KIF2B: variants seen among roughly 807,000 people sequenced by gnomAD.
The protein encoded by KIF2B is kinesin-like protein KIF2B.
Under a neutral mutation model 6.8 loss-of-function variants are expected in KIF2B, and 5 were observed. The ratio of observed to expected loss-of-function variants is 0.74; its 90% confidence interval spans 0.39 to 1.55. KIF2B has a LOEUF of 1.55. Ranked by LOEUF, KIF2B falls within the 40% of genes most tolerant of loss-of-function variation. The pLI is 0.03. For missense variants in KIF2B, 908 were observed against 831.3 expected (o/e 1.09, Z -1.13); for synonymous variants, 370 against 330.7 (o/e 1.12, Z -1.29).
chr17:53,823,156 C>T lies in KIF2B; in HGVS notation c.123C>T (p.Ile41=). ...CGATCCAGCGCAGTGACAAGCGGAT[C>T]CACCTCGCTGTGGTCACGGAGATCA... ...YVAIQRSDKR[I]HLAVVTEINR... The change falls in exon 1 of 1, where the codon ATC becomes ATT. Residue 41 remains isoleucine (I), a synonymous_variant. Coordinates refer to ENST00000268919, the MANE Select transcript of KIF2B (RefSeq NM_032559.5). 6.2e-7 allele frequency: 1 copy of T among 1,614,204 alleles called. No homozygotes were observed. The highest frequency in any genetic ancestry group is 2.2e-5 in the East Asian group (1 of 44,874).
In KIF2B at chr17:53,825,086, C is replaced by A; in HGVS notation, c.*31C>A. ...ATGGCGAGAGATCAGGTCCGAAATGCTGCATTGCTGCAGTTTCCACCACTC... is the reference window on the plus strand; with the variant it reads ...ATGGCGAGAGATCAGGTCCGAAATGATGCATTGCTGCAGTTTCCACCACTC... On this transcript the variant is annotated 3_prime_UTR_variant, in exon 1 of 1. Coordinates refer to ENST00000268919, the MANE Select transcript of KIF2B (RefSeq NM_032559.5). 1 of 1,480,842 alleles carries A rather than the reference C, an allele frequency of 6.8e-7. No homozygotes were observed. The highest frequency in any genetic ancestry group is 1.3e-5 in the South Asian group (1 of 78,908). 91.7% of individuals were successfully genotyped at this position (1,480,842 alleles called of 1,614,324 possible). A position where few individuals can be genotyped will look rare whatever the true frequency, so the allele number is the denominator to read the frequency against.
At position 53,823,374 on chromosome 17, in the gene KIF2B, A is replaced by C. The variant is rs2143779167; in HGVS notation, c.341A>C (p.Lys114Thr). The part of the protein sequence containing the change: ...SAIRDQRTAT[K>T]WVAMIPQKNQ... ...ATCAGGGACCAGCGTACCGCCACGA[A>C]ATGGGTTGCGATGATCCCCCAGAAA... The change falls in exon 1 of 1, where the codon AAA becomes ACA. Residue 114 changes from lysine to threonine, a missense_variant. Coordinates refer to ENST00000268919, the MANE Select transcript of KIF2B (RefSeq NM_032559.5). The C allele has an allele frequency of 6.2e-7, 1 of 1,614,058 alleles. No homozygotes were observed. The highest frequency in any genetic ancestry group is 1.1e-5 in the South Asian group (1 of 91,078).
chr17:53,823,917 G>A lies in KIF2B; in HGVS notation c.884G>A (p.Gly295Asp), dbSNP rs755877728. The change falls in exon 1 of 1, where the codon GGC (glycine) becomes GAC (aspartate). Residue 295 changes from glycine (G) to aspartate (D), a missense_variant. By Grantham distance (94) the Gly-to-Asp change is moderately conservative. Transcript: ENST00000268919. ...CTGGTGGAGTCCATCTTCCGCAAGGGCATGGCCACCTGCTTTGCCTATGGG... is the reference window on the plus strand; with the variant it reads ...CTGGTGGAGTCCATCTTCCGCAAGGACATGGCCACCTGCTTTGCCTATGGG... ...QPLVESIFRK[G>D]MATCFAYGQT... 6.2e-7 allele frequency: 1 copy of A among 1,614,228 alleles called. No individual in the cohort carries two copies. The highest frequency in any genetic ancestry group is 8.5e-7 in the Non-Finnish European group (1 of 1,180,048).
Position 53,823,484 on chromosome 17 carries a change from T to A in KIF2B, c.451T>A (p.Trp151Arg), listed in dbSNP as rs2143779878. ...LMKQKKSPCL[W>R]EIQKLQEQRE... Reference sequence around the variant, plus strand: ...GAAGCAGAAAAAGTCTCCCTGCCTCTGGGAAATCCAGAAACTGCAGGAGCA... The same window carrying A: ...GAAGCAGAAAAAGTCTCCCTGCCTCAGGGAAATCCAGAAACTGCAGGAGCA... Residue 151 changes from tryptophan (W) to arginine (R), a missense_variant, in exon 1 of 1, where the codon TGG becomes AGG. By Grantham distance (101) the Trp-to-Arg change is moderately radical. Coordinates refer to ENST00000268919, the MANE Select transcript of KIF2B (RefSeq NM_032559.5). The A allele has an allele frequency of 6.2e-7, 1 of 1,614,138 alleles. No homozygotes were observed. The highest frequency in any genetic ancestry group is 8.5e-7 in the Non-Finnish European group (1 of 1,180,026).
Position 53,824,071 on chromosome 17 carries a change from G to C in KIF2B, c.1038G>C (p.Glu346Asp), listed in dbSNP as rs756419031. The C allele has an allele frequency of 6.2e-7, 1 of 1,614,238 alleles. No individual in the cohort carries two copies. The change falls in exon 1 of 1, where the codon GAG becomes GAC. Residue 346 changes from glutamate to aspartate, a missense_variant. Transcript: ENST00000268919. ...TCCTGCTCAGAAACTCCACATATGA[G>C]AAGCTGGACCTCAAAGTCTATGGGA... Reference protein sequence around the residue: ...VFLLLRNSTYEKLDLKVYGTF... With the variant: ...VFLLLRNSTYDKLDLKVYGTF...
chr17:53,824,700 C>T lies in KIF2B; in HGVS notation c.1667C>T (p.Pro556Leu), dbSNP rs543418582. Residue 556 changes from proline to leucine, a missense_variant, in exon 1 of 1, where the codon CCG (proline) becomes CTG (leucine). Coordinates refer to ENST00000268919, the MANE Select transcript of KIF2B (RefSeq NM_032559.5). ...AGGCCCTACCATCGTGGCCACTATC[C>T]GATTGGACATGAGGCACCAAGGATG... is the stretch of plus-strand genomic sequence containing the variant. ...DVRPYHRGHY[P>L]IGHEAPRMLK... is the part of the protein sequence containing the mutation. 1.8e-5 allele frequency: 29 copies of T among 1,614,088 alleles called. No homozygotes were observed. Among genetic ancestry groups the T allele is most frequent in the South Asian group, 1.6e-4 (15 of 91,080 alleles).
rs1394819037 is a variant in KIF2B at position 53,823,250 on chromosome 17, C to G, written c.217C>G (p.Leu73Val). ...KAVKKGKKID[L>V]ETILLLNPAL... ...AGTCAAAAAAGGCAAGAAGATTGACCTGGAGACCATACTCCTGCTGAATCC... is the reference window on the plus strand; with the variant it reads ...AGTCAAAAAAGGCAAGAAGATTGACGTGGAGACCATACTCCTGCTGAATCC... Residue 73 changes from leucine (L) to valine (V), a missense_variant, in exon 1 of 1, where the codon CTG (leucine) becomes GTG (valine). Transcript: ENST00000268919. The G allele has an allele frequency of 6.2e-7, 1 of 1,614,070 alleles. No individual in the cohort carries two copies. The highest frequency in any genetic ancestry group is 1.3e-5 in the African/African-American group (1 of 74,928).
rs775562366 is a variant in KIF2B at position 53,823,651 on chromosome 17, G to T, written c.618G>T (p.Leu206=). Residue 206 remains leucine (L), a synonymous_variant, in exon 1 of 1, where the codon CTG becomes CTT. Coordinates refer to ENST00000268919, the MANE Select transcript of KIF2B (RefSeq NM_032559.5). Reference sequence around the variant, plus strand: ...TGGACAGCAGCAAGATCTCAGTCCTGGAGCCCCCGCAAGAACATCGCATCT... The same window carrying T: ...TGGACAGCAGCAAGATCTCAGTCCTTGAGCCCCCGCAAGAACATCGCATCT... ...RHLDSSKISV[L]EPPQEHRICV... 6.2e-7 allele frequency: 1 copy of T among 1,613,930 alleles called. No homozygotes were observed. The highest frequency in any genetic ancestry group is 8.5e-7 in the Non-Finnish European group (1 of 1,180,048).
chr17:53,823,784 CA>C lies in KIF2B; in HGVS notation c.755del (p.Lys252ArgfsTer117). 1.2e-6 allele frequency: 2 copies of C among 1,614,182 alleles called. No homozygotes were observed. The highest frequency in any genetic ancestry group is 2.7e-5 in the African/African-American group (2 of 75,042). Reference protein sequence around the residue: ...DNVVMVHESKQKVDLTRYLQN... With the variant: ...DNVVMVHESKXKVDLTRYLQN... ...TGTGGTTATGGTGCATGAGTCCAAG[CA>C]AAAGGTGGACCTCACTCGCTACCTG... is the stretch of plus-strand genomic sequence containing the variant. On this transcript the variant is annotated frameshift_variant, in exon 1 of 1. Transcript: ENST00000268919. LOFTEE classifies it high-confidence loss of function.
Position 53,823,549 on chromosome 17 carries a change from T to C in KIF2B, c.516T>C (p.Ala172=), listed in dbSNP as rs780394162. The C allele has an allele frequency of 6.2e-7, 1 of 1,613,686 alleles. No individual in the cohort carries two copies. The change falls in exon 1 of 1, where the codon GCT becomes GCC. Residue 172 remains alanine (A), a synonymous_variant. Transcript: ENST00000268919. ...GGCGGCTGCAGCAGGAGATCCGAGC[T>C]AGACGCGCCCTCGATGTCAATACCA... ...KRRRLQQEIR[A]RRALDVNTRN... is the part of the protein sequence containing the mutation.
At position 53,824,418 on chromosome 17, in the gene KIF2B, G is replaced by A. The variant is rs755676458; in HGVS notation, c.1385G>A (p.Arg462Gln). 19 of 1,614,050 alleles carry A rather than the reference G, an allele frequency of 1.2e-5. No individual in the cohort carries two copies. The highest frequency in any genetic ancestry group is 1.7e-4 in the Middle Eastern group (1 of 6,060). Reference sequence around the variant, plus strand: ...GGAGCAGATACAACCAAGGCCAGCCGGAAAAGGCAGCTGGAAGGGGCAGAG... The same window carrying A: ...GGAGCAGATACAACCAAGGCCAGCCAGAAAAGGCAGCTGGAAGGGGCAGAG... Reference protein sequence around the residue: ...ERGADTTKASRKRQLEGAEIN... With the variant: ...ERGADTTKASQKRQLEGAEIN... Residue 462 changes from arginine (R) to glutamine (Q), a missense_variant, in exon 1 of 1, where the codon CGG becomes CAG. Physicochemically the swap from Arg to Gln is conservative, Grantham distance 43. Coordinates refer to ENST00000268919, the MANE Select transcript of KIF2B (RefSeq NM_032559.5).
rs766692378 is a variant in KIF2B at position 53,825,066 on chromosome 17, G to A, written c.*11G>A. 8 of 1,582,528 alleles carry A rather than the reference G, an allele frequency of 5.1e-6. No homozygotes were observed. The Admixed American group carries it at 6.9e-5, about 14-fold the overall frequency. Reference sequence around the variant, plus strand: ...AGCAAGGTAGAGTGAAGCCAATGGCGAGAGATCAGGTCCGAAATGCTGCAT... The same window carrying A: ...AGCAAGGTAGAGTGAAGCCAATGGCAAGAGATCAGGTCCGAAATGCTGCAT... On this transcript the variant is annotated 3_prime_UTR_variant, in exon 1 of 1. Coordinates refer to ENST00000268919, the MANE Select transcript of KIF2B (RefSeq NM_032559.5).
In KIF2B at chr17:53,823,717, A is replaced by T. The variant is rs2143781308; in HGVS notation, c.684A>T (p.Thr228=). 2.5e-6 allele frequency: 4 copies of T among 1,614,198 alleles called. No homozygotes were observed. The South Asian group carries it at 4.4e-5, about 18-fold the overall frequency. The change falls in exon 1 of 1, where the codon ACA becomes ACT. Residue 228 remains threonine, a synonymous_variant. Transcript: ENST00000268919. ...VRKRPLNQRE[T]TLKDLDIITV... ...AGCGGCCTCTCAACCAGCGAGAGAC[A>T]ACCTTAAAGGACCTGGATATCATCA...
rs1906465936 is a variant in KIF2B at position 53,823,559 on chromosome 17, C to T, written c.526C>T (p.Leu176Phe). 2 of 1,613,396 alleles carry T rather than the reference C, an allele frequency of 1.2e-6. No homozygotes were observed. Among genetic ancestry groups the T allele is most frequent in the Middle Eastern group, 3.3e-4 (2 of 6,062 alleles). Residue 176 changes from leucine (L) to phenylalanine (F), a missense_variant, in exon 1 of 1, where the codon CTC becomes TTC. By Grantham distance (22) the Leu-to-Phe change is conservative. Transcript: ENST00000268919. ...LQQEIRARRALDVNTRNPNYE... is the reference protein window; with the variant it reads ...LQQEIRARRAFDVNTRNPNYE... ...GCAGGAGATCCGAGCTAGACGCGCC[C>T]TCGATGTCAATACCAGAAACCCCAA...
chr17:53,824,598 CG>C lies in KIF2B; in HGVS notation c.1569del (p.Met524Ter). 6.2e-7 allele frequency: 1 copy of C among 1,614,060 alleles called. No individual in the cohort carries two copies. The highest frequency in any genetic ancestry group is 8.5e-7 in the Non-Finnish European group (1 of 1,179,996). Reference protein sequence around the residue: ...SSTCMIATISPGMTSCENTLN... With the variant: ...SSTCMIATISXGMTSCENTLN... ...ACTTGCATGATTGCTACCATCTCTCCGGGGATGACCTCTTGTGAAAACACTC... is the reference window on the plus strand; with the variant it reads ...ACTTGCATGATTGCTACCATCTCTCCGGGATGACCTCTTGTGAAAACACTC... On this transcript the variant is annotated frameshift_variant, in exon 1 of 1. Coordinates refer to ENST00000268919, the MANE Select transcript of KIF2B (RefSeq NM_032559.5). LOFTEE classifies it low-confidence loss of function (END_TRUNC).
chr17:53,823,360 G>A lies in KIF2B; in HGVS notation c.327G>A (p.Gln109=), dbSNP rs1906454720. 6.2e-7 allele frequency: 1 copy of A among 1,613,976 alleles called. No homozygotes were observed. The highest frequency in any genetic ancestry group is 1.7e-5 in the Admixed American group (1 of 59,998). The change falls in exon 1 of 1, where the codon CAG becomes CAA. Residue 109 remains glutamine, a synonymous_variant. Coordinates refer to ENST00000268919, the MANE Select transcript of KIF2B (RefSeq NM_032559.5). ...CGCCCTCTTCGGCCATCAGGGACCA[G>A]CGTACCGCCACGAAATGGGTTGCGA... is the stretch of plus-strand genomic sequence containing the variant. ...ALAPSSAIRD[Q]RTATKWVAMI...
chr17:53,823,616 C>T lies in KIF2B; in HGVS notation c.583C>T (p.Arg195Cys), dbSNP rs2143780710. The change falls in exon 1 of 1, where the codon CGC becomes TGC. Residue 195 changes from arginine to cysteine, a missense_variant. Transcript: ENST00000268919. ...AATCATGCACATGATCGAAGAGTAT[C>T]GCAGGCACCTGGACAGCAGCAAGAT... ...YEIMHMIEEY[R>C]RHLDSSKISV... 1 of 1,613,388 alleles carries T rather than the reference C, an allele frequency of 6.2e-7. No homozygotes were observed. The highest frequency in any genetic ancestry group is 1.1e-5 in the South Asian group (1 of 91,088).
At position 53,824,547 on chromosome 17, in the gene KIF2B, A is replaced by ACC. The variant is rs778609949; in HGVS notation, c.1515_1516insCC (p.Ser506ProfsTer4). ...AGCAAACTCACACTGGTGCTCCGGG[A>ACC]CTCCTTTATAGGCCAGAACTCCTCC... On this transcript the variant is annotated frameshift_variant, in exon 1 of 1. Coordinates refer to ENST00000268919, the MANE Select transcript of KIF2B (RefSeq NM_032559.5). LOFTEE classifies it low-confidence loss of function (END_TRUNC). 21 of 1,613,672 alleles carry ACC rather than the reference A, an allele frequency of 1.3e-5. No individual in the cohort carries two copies. The African/African-American group carries it at 2.4e-4, about 19-fold the overall frequency.
Position 53,823,348 on chromosome 17 carries a change from C to A in KIF2B, c.315C>A (p.Ala105=), listed in dbSNP as rs1906454351. 6.2e-7 allele frequency: 1 copy of A among 1,614,128 alleles called. No individual in the cohort carries two copies. Among genetic ancestry groups the A allele is most frequent in the Non-Finnish European group, 8.5e-7 (1 of 1,180,026 alleles). The change falls in exon 1 of 1, where the codon GCC becomes GCA. Residue 105 remains alanine (A), a synonymous_variant. Transcript: ENST00000268919. ...CCTTGGCTCTGGCGCCCTCTTCGGC[C>A]ATCAGGGACCAGCGTACCGCCACGA... ...LSPLALAPSS[A]IRDQRTATKW...
Sources: allele counts gnomAD v4.1 joint callset, GRCh38; gene constraint gnomAD v4.1.1; transcripts MANE v1.5; gene names NCBI Gene and HGNC (gene_info 2026-07-23, HGNC 2026-07-21).